The following CEMIP variants were observed in gnomAD, a reference collection of about 807,000 sequenced individuals.
The protein encoded by CEMIP is cell migration-inducing and hyaluronan-binding protein.
A neutral mutation model predicts 156.9 loss-of-function variants in CEMIP; 105 were observed. That is an observed-to-expected ratio of 0.67 (90% CI 0.57 to 0.79). CEMIP has a LOEUF of 0.79. Among genes scored for constraint, CEMIP ranks in the 30% least tolerant of loss-of-function variants. CEMIP has a pLI of 0.00. For synonymous variants in CEMIP, 676 were observed against 668.4 expected, an observed-to-expected ratio of 1.01 and a Z score of -0.17; for missense variants, 1,457 against 1,769.4, an observed-to-expected ratio of 0.82 and a Z score of 3.17.
At chr15:80,803,457 T>C (rs1896430946) in intron 1 of CEMIP, among the ~76,000 whole-genome samples, 1 of 151,812 alleles carries the variant, frequency 6.6e-6, no homozygotes, top group African/African-American at 2.4e-5. Flanking sequence ...AACGTTTAAC[T>C]TTAGAATTAA....
intron 1 of CEMIP, among the ~76,000 whole-genome samples, chr15:80,837,981 C>G (rs1897301680): frequency 6.6e-6 from 1 of 152,230 alleles, no homozygotes; most frequent in African/African-American, 2.4e-5. Flanking sequence ...CTCCCATGGA[C>G]TCCTACCAAT....
intron 12 of CEMIP, among the ~76,000 whole-genome samples, chr15:80,904,134 A>T (rs1043153003): frequency 6.6e-6 from 1 of 152,252 alleles, no homozygotes; most frequent in Non-Finnish European, 1.5e-5. Context: ...GGCAGGGCAC[A>T]GAGCTTTTTG....
chr15:80,784,773 C>T (rs1895887453), intron 1 of CEMIP, among the ~76,000 whole-genome samples: 1 of 152,146 alleles, frequency 6.6e-6, no homozygotes, highest in African/African-American at 2.4e-5. Flanking sequence ...TGAGGTAGGG[C>T]CTGAGAGTCC....
At chr15:80,825,750 C>A (rs888963765) in intron 1 of CEMIP, among the ~76,000 whole-genome samples, 5 of 152,200 alleles carry the variant, frequency 3.3e-5, no homozygotes, top group Non-Finnish European at 7.3e-5. Flanking sequence ...TCATTCAGGG[C>A]ACAGAATGGG....
intron 1 of CEMIP, among the ~76,000 whole-genome samples, chr15:80,789,500 G>C (rs931563756): frequency 5.3e-5 from 8 of 152,220 alleles, no homozygotes; most frequent in African/African-American, 1.9e-4. Flanking sequence ...CTGGTAGTGA[G>C]AGAGAAAGCA....
intron 7 of CEMIP, among the ~76,000 whole-genome samples, chr15:80,886,017 T>G (rs1362093875): frequency 6.6e-6 from 1 of 152,210 alleles, no homozygotes; most frequent in African/African-American, 2.4e-5. Flanking sequence ...CTTCATTTGT[T>G]CACCCATTCA....
At chr15:80,925,576 C>T (rs773553712) in intron 18 of CEMIP, 48 bp from the exon 19 acceptor site, 60 of 1,604,222 alleles carry the variant, frequency 3.7e-5, no homozygotes, top group South Asian at 1.8e-4. Context: ...TCAGCAGAGG[C>T]GTGCCCCCAA....
At chr15:80,827,264 AGGT>A (rs1362295152) in intron 1 of CEMIP, among the ~76,000 whole-genome samples, 1 of 152,210 alleles carries the variant, frequency 6.6e-6, no homozygotes, top group African/African-American at 2.4e-5. Flanking sequence ...TCTGTCCCTA[AGGT>A]GGTCACCATG....
chr15:80,904,285 G>T (rs868723604), intron 12 of CEMIP, among the ~76,000 whole-genome samples: 1 of 152,154 alleles, frequency 6.6e-6, no homozygotes, highest in African/African-American at 2.4e-5. Context: ...CAGCATTTTG[G>T]GATCCCCAGG....
At chr15:80,805,634 T>A (rs879653898) in intron 1 of CEMIP, among the ~76,000 whole-genome samples, 1 of 152,200 alleles carries the variant, frequency 6.6e-6, no homozygotes, top group Non-Finnish European at 1.5e-5. Context: ...TTTAAATATA[T>A]ACAAACATAA....
intron 1 of CEMIP, among the ~76,000 whole-genome samples, chr15:80,866,920 G>T (rs912179624): frequency 6.6e-6 from 1 of 151,812 alleles, no homozygotes; most frequent in Non-Finnish European, 1.5e-5. Flanking sequence ...CCCCTCTCTC[G>T]CCTTTCCTCC....
intron 6 of CEMIP, among the ~76,000 whole-genome samples, chr15:80,883,605 A>G (rs548589767): frequency 2.0e-5 from 3 of 152,376 alleles, no homozygotes; most frequent in East Asian, 3.9e-4. Flanking sequence ...ATGCATTATC[A>G]TAAGAATCAT....
At chr15:80,780,843 T>G (rs1000402973) in intron 1 of CEMIP, among the ~76,000 whole-genome samples, 1 of 152,096 alleles carries the variant, frequency 6.6e-6, no homozygotes, top group African/African-American at 2.4e-5. Context: ...TCCGGGGAAG[T>G]CGTGCGCTTT....
intron 8 of CEMIP, 81 bp downstream of exon 8, chr15:80,887,845 C>A: frequency 8.5e-7 from 1 of 1,169,896 alleles, no homozygotes; most frequent in Non-Finnish European, 1.3e-6. Flanking sequence ...GAACATCTCA[C>A]TTTTCTCAGA....
chr15:80,791,109 TA>T (rs5814036), intron 1 of CEMIP, among the ~76,000 whole-genome samples: 7,164 of 143,114 alleles, frequency 0.05, 502 homozygotes, highest in African/African-American at 0.16. Flanking sequence ...TGCAGAGGAT[TA>T]AAAAAAAAAA....
chr15:80,878,626 CCTTAAAGATG>C, intron 3 of CEMIP, 85 bp from the exon 4 acceptor site: 2 of 1,509,898 alleles, frequency 1.3e-6, no homozygotes, highest in Non-Finnish European at 1.8e-6. Context: ...GAGGTAGGGG[CCTTAAAGATG>C]CATGGGAGCC....
At chr15:80,900,625 T>C (rs1899459484) in intron 12 of CEMIP, among the ~76,000 whole-genome samples, 1 of 140,280 alleles carries the variant, frequency 7.1e-6, no homozygotes, top group Admixed American at 7.0e-5. Flanking sequence ...TGTGTGTGTG[T>C]GTGTGTGTGT....
rs773914129 is a variant in CEMIP at position 80,879,867 on chromosome 15, C to G, written c.380+13C>G. ...TTTTGTATGGAAGGTGCGTAGACCA[C>G]TCCTACAGATCAAATGCTACCCATG... On this transcript the variant is annotated intron_variant, in intron 5 of 29. Transcript: ENST00000394685. The G allele has an allele frequency of 6.2e-7, 1 of 1,613,954 alleles. No individual in the cohort carries two copies. The highest frequency in any genetic ancestry group is 1.1e-5 in the South Asian group (1 of 91,062).
At chr15:80,894,428 T>C (rs1899140196) in intron 10 of CEMIP, among the ~76,000 whole-genome samples, 2 of 152,150 alleles carry the variant, frequency 1.3e-5, no homozygotes, top group African/African-American at 4.8e-5. Flanking sequence ...ATAATATAGG[T>C]AAACATCTAG....
Sources: allele counts gnomAD v4.1 joint callset (sites outside exome capture counted in the v4.1 genomes callset), GRCh38; gene constraint gnomAD v4.1.1; transcripts MANE v1.5; gene names NCBI Gene and HGNC (gene_info 2026-07-23, HGNC 2026-07-21).